The following ATP5PD variants were observed in gnomAD, a reference collection of about 807,000 sequenced individuals.
The protein encoded by ATP5PD is ATP synthase peripheral stalk subunit d, mitochondrial.
A neutral mutation model predicts 22.6 loss-of-function variants in ATP5PD; 13 were observed. The observed-to-expected ratio is 0.58, with a 90% CI of 0.37 to 0.91. ATP5PD has a LOEUF of 0.91. Ranked by LOEUF, ATP5PD falls within the 40% of genes least tolerant of loss-of-function variation. The probability of loss-of-function intolerance (pLI) is 0.00; values close to 1 mark genes in which losing one functional copy is unlikely to be tolerated. For synonymous variants in ATP5PD, 51 were observed against 65.0 expected, an observed-to-expected ratio of 0.79 and a Z score of 1.03; for missense variants, 165 against 188.0, an observed-to-expected ratio of 0.88 and a Z score of 0.72.
Position 75,039,068 on chromosome 17 carries a change from A to G in ATP5PD, c.355-5T>C, listed in dbSNP as rs201465890. Reference sequence around the variant, plus strand: ...TAAGTTCTTCATCTTCTCCATCTGGAAAGAGGGGGAATGTGTTTAGTTAAT... The same window carrying G: ...TAAGTTCTTCATCTTCTCCATCTGGGAAGAGGGGGAATGTGTTTAGTTAAT... On this transcript the variant is annotated splice_region_variant and splice_polypyrimidine_tract_variant and intron_variant, in intron 5 of 5. Transcript: ENST00000301587. 133 of 1,613,864 alleles carry G rather than the reference A, an allele frequency of 8.2e-5. No homozygotes were observed. In the Middle Eastern group the frequency reaches 9.9e-4, roughly 12 times the overall value.
chr17:75,045,548 C>A (rs1016293867), intron 1 of ATP5PD, among the ~76,000 whole-genome samples: 4 of 152,238 alleles, frequency 2.6e-5, no homozygotes, highest in African/African-American at 9.6e-5. Context: ...CATTCTCTTT[C>A]TCAGGGATAT....
intron 2 of ATP5PD, 116 bp from the exon 3 acceptor site, chr17:75,042,393 A>G: frequency 6.7e-7 from 1 of 1,500,722 alleles, no homozygotes; most frequent in Non-Finnish European, 9.1e-7. Flanking sequence ...TTCCTCTCCT[A>G]AGATCATCAT....
At chr17:75,041,876 A>G in intron 3 of ATP5PD, 1 of 246,808 alleles carries the variant, frequency 4.1e-6, no homozygotes, top group East Asian at 8.5e-5. Flanking sequence ...GGAGCGGGGG[A>G]CCACCAGGTT....
intron 1 of ATP5PD, among the ~76,000 whole-genome samples, chr17:75,044,019 T>G (rs1029781076): frequency 3.5e-5 from 5 of 144,712 alleles, no homozygotes; most frequent in African/African-American, 1.1e-4. Flanking sequence ...GCACACGTTG[T>G]GCACTTTTTT....
chr17:75,040,536 C>A, intron 3 of ATP5PD: 1 of 247,654 alleles, frequency 4.0e-6, no homozygotes, highest in East Asian at 1.1e-4. Context: ...TGCATGGAAC[C>A]CTAGGGAGCT....
chr17:75,042,618 A>G lies in ATP5PD; in HGVS notation c.33T>C (p.Ile11=), dbSNP rs761277428. The G allele has an allele frequency of 2.5e-6, 4 of 1,612,314 alleles. No homozygotes were observed. Among genetic ancestry groups the G allele is most frequent in the South Asian group, 1.1e-5 (1 of 90,406 alleles). ...TGATCTCTGCAAAAGCTACCCAGTCAATGGTTTTTAGAGCAAGTTTTCGCC... is the reference window on the plus strand; with the variant it reads ...TGATCTCTGCAAAAGCTACCCAGTCGATGGTTTTTAGAGCAAGTTTTCGCC... MAGRKLALKT[I]DWVAFAEIIP... is the part of the protein sequence containing the mutation. The change falls in exon 2 of 6, where the codon ATT becomes ATC. Residue 11 remains isoleucine (I), a synonymous_variant. Coordinates refer to ENST00000301587, the MANE Select transcript of ATP5PD (RefSeq NM_006356.3).
In ATP5PD at chr17:75,042,287, A is replaced by G. The variant is rs1001616314; in HGVS notation, c.123-10T>C. ...AGGTAAAGCAGCCAACCTGCCCACA[A>G]GGAAAGGCAAAAGTTAGGATTGTTC... On this transcript the variant is annotated splice_polypyrimidine_tract_variant and intron_variant, in intron 2 of 5. Transcript: ENST00000301587. The G allele has an allele frequency of 7.4e-6, 12 of 1,613,204 alleles. No individual in the cohort carries two copies. The African/African-American group carries it at 9.3e-5, about 13-fold the overall frequency.
intron 1 of ATP5PD, among the ~76,000 whole-genome samples, chr17:75,043,611 CAA>C (rs533075854): frequency 1.6e-4 from 13 of 80,656 alleles, no homozygotes; most frequent in South Asian, 3.9e-4. Context: ...GACTCTGTCT[CAA>C]AAAAAAAAAA....
At position 75,040,335 on chromosome 17, in the gene ATP5PD, G is replaced by A. The variant is rs887387702; in HGVS notation, c.220-172C>T. 8.8e-6 allele frequency: 6 copies of A among 682,182 alleles called. No homozygotes were observed. In the Admixed American group the frequency reaches 1.5e-4, roughly 18 times the overall value. 42.3% of individuals were successfully genotyped at this position (682,182 alleles called of 1,614,324 possible). On this transcript the variant is annotated intron_variant, in intron 3 of 5. Transcript: ENST00000301587. ...GGAAACGAATACGCATCTCAATACT[G>A]GAGTAGAAAGAATATTAGACTGGGA...
rs201521579 is a variant in ATP5PD at position 75,039,306 on chromosome 17, A to C, written c.292-35T>G. 2.2e-5 allele frequency: 35 copies of C among 1,597,878 alleles called. No homozygotes were observed. In the African/African-American group the frequency reaches 4.7e-4, roughly 21 times the overall value. On this transcript the variant is annotated intron_variant, in intron 4 of 5. Coordinates refer to ENST00000301587, the MANE Select transcript of ATP5PD (RefSeq NM_006356.3). ...GAAAGAGAAATTCAGTTCTGAAACC[A>C]GGCTGCATTCTACCCCAGCAGCTGC...
intron 2 of ATP5PD, 111 bp from the exon 3 acceptor site, chr17:75,042,388 C>T (rs951320226): frequency 6.7e-7 from 1 of 1,494,900 alleles, no homozygotes; most frequent in Non-Finnish European, 9.1e-7. Context: ...ACACTTTCCT[C>T]TCCTAAGATC....
At chr17:75,040,885 CAAA>C (rs34981433) in intron 3 of ATP5PD, 3 of 76,958 alleles carry the variant, frequency 3.9e-5, no homozygotes, top group Non-Finnish European at 5.2e-5. Flanking sequence ...GACTCCGTCT[CAAA>C]AAAAAAAAAA....
In ATP5PD at chr17:75,044,025, T is replaced by A. The variant is rs1294424678; in HGVS notation, c.-9-1366A>T. On this transcript the variant is annotated intron_variant, in intron 1 of 5. Transcript: ENST00000301587. ...GCAGCACCAGCACACGTTGTGCACT[T>A]TTTTTTTTTTTTTTTTTGAGATGGA... 1.1e-4 allele frequency among the ~76,000 whole-genome samples: 10 copies of A among 92,258 alleles called. No homozygotes were observed. In the African/African-American group the frequency reaches 1.6e-3, roughly 15 times the overall value. The allele number at this position is 92,258 out of a possible 152,430, so 60.5% of individuals were successfully genotyped here.
intron 3 of ATP5PD, chr17:75,041,454 A>T (rs2073159470): frequency 6.6e-6 from 1 of 151,504 alleles, no homozygotes; most frequent in South Asian, 2.1e-4. Context: ...TACCAAAAAA[A>T]AAAAAAAAAC....
chr17:75,038,982 C>T lies in ATP5PD; in HGVS notation c.436G>A (p.Asp146Asn). 6.2e-7 allele frequency: 1 copy of T among 1,614,098 alleles called. No individual in the cohort carries two copies. ...LNEAFPETKL[D>N]KKKYPYWPHQ... is the part of the protein sequence containing the mutation. ...GGCCAATAGGGATACTTTTTCTTGT[C>T]TAATTTGGTTTCTGGGAAAGCTTCA... The change falls in exon 6 of 6, where the codon GAC (aspartate) becomes AAC (asparagine). Residue 146 changes from aspartate (D) to asparagine (N), a missense_variant. Asp to Asn is a conservative substitution (Grantham distance 23, BLOSUM62 1). Transcript: ENST00000301587.
chr17:75,042,020 C>G, intron 3 of ATP5PD, 161 bp downstream of exon 3: 1 of 604,232 alleles, frequency 1.7e-6, no homozygotes, highest in Non-Finnish European at 2.9e-6. Context: ...ATTCCTGCAC[C>G]TATTTACAGT....
intron 4 of ATP5PD, 125 bp downstream of exon 4, chr17:75,039,967 G>A (rs994500952): frequency 1.1e-5 from 11 of 987,396 alleles, no homozygotes; most frequent in South Asian, 3.1e-5. Flanking sequence ...TGCATTTATT[G>A]ACAAGTCATT....
At chr17:75,046,541 G>C (rs915818662) in intron 1 of ATP5PD, among the ~76,000 whole-genome samples, 6 of 152,240 alleles carry the variant, frequency 3.9e-5, no homozygotes, top group Non-Finnish European at 7.3e-5. Flanking sequence ...GGAAGCTGCC[G>C]AAGGGGAAGG....
chr17:75,040,182 G>A lies in ATP5PD; in HGVS notation c.220-19C>T, dbSNP rs373588497. ...CATTAAACTACAAACACAAGGGCAC[G>A]GGAACCTTCAGCGCATTAAACTACA... On this transcript the variant is annotated intron_variant, in intron 3 of 5. Transcript: ENST00000301587. The A allele has an allele frequency of 1.9e-5, 30 of 1,611,388 alleles. No homozygotes were observed. In the East Asian group the frequency reaches 2.9e-4, roughly 16 times the overall value.
Sources: gnomAD v4.1 joint callset for allele counts (sites outside exome capture counted in the v4.1 genomes callset) on GRCh38, gnomAD v4.1.1 for gene constraint, MANE v1.5 for transcripts, NCBI Gene and HGNC (gene_info 2026-07-23, HGNC 2026-07-21) for gene names.